The following OR52H1 variants were observed in gnomAD, a reference collection of about 807,000 sequenced individuals.
OR52H1 encodes the protein olfactory receptor family 52 subfamily H member 1.
For synonymous variants in OR52H1, 148 were observed against 138.6 expected (o/e 1.07, Z -0.48); for missense variants, 383 against 396.4 (o/e 0.97, Z 0.29).
At chr11:5,546,997 C>G (rs780852531) in intron 1 of OR52H1, among the ~76,000 whole-genome samples, 65 of 152,188 alleles carry the variant, frequency 4.3e-4, no homozygotes, top group Non-Finnish European at 6.9e-4. Flanking sequence ...ACTCTGTCAC[C>G]CAGGCTGGAG....
In OR52H1 at chr11:5,545,533, C is replaced by T. The variant is rs367883022; in HGVS notation, c.-28G>A. The T allele has an allele frequency of 3.1e-6, 5 of 1,604,522 alleles. No homozygotes were observed. The highest frequency in any genetic ancestry group is 8.5e-7 in the Non-Finnish European group (1 of 1,173,736). On this transcript the variant is annotated splice_region_variant and 5_prime_UTR_variant, in exon 2 of 2. Coordinates refer to ENST00000322653, the MANE Select transcript of OR52H1 (RefSeq NM_001005289.5). ...CAGAGGCAGATGGCATAAATCTCAG[C>T]CCCTAAAGACAGAGGGTGATTAAGG...
Position 5,545,416 on chromosome 11 carries a change from T to G in OR52H1, c.90A>C (p.Gly30=). The G allele has an allele frequency of 6.2e-7, 1 of 1,614,136 alleles. No individual in the cohort carries two copies. The highest frequency in any genetic ancestry group is 8.5e-7 in the Non-Finnish European group (1 of 1,180,022). The change falls in exon 2 of 2, where the codon GGA becomes GGC. Residue 30 remains glycine (G), a synonymous_variant. Transcript: ENST00000322653. Reference sequence around the variant, plus strand: ...CAATGTAGATGATACAGAAGGGAATTCCAATCCACACATGGAATTGCTCCA... The same window carrying G: ...CAATGTAGATGATACAGAAGGGAATGCCAATCCACACATGGAATTGCTCCA... ...PGLEQFHVWI[G]IPFCIIYIVA... is the part of the protein sequence containing the mutation.
In OR52H1 at chr11:5,545,492, T is replaced by A. The variant is rs775412326; in HGVS notation, c.14A>T (p.Asn5Ile). ...GGGTCCTGGATTGTAACTGCTCAGG[T>A]TGAAAATGATCATGGCAGAGGCAGA... MIIF[N>I]LSSYNPGPFI... is the part of the protein sequence containing the mutation. The change falls in exon 2 of 2, where the codon AAC (asparagine) becomes ATC (isoleucine). Residue 5 changes from asparagine to isoleucine, a missense_variant. Coordinates refer to ENST00000322653, the MANE Select transcript of OR52H1 (RefSeq NM_001005289.5). 3 of 1,613,996 alleles carry A rather than the reference T, an allele frequency of 1.9e-6. No homozygotes were observed. The highest frequency in any genetic ancestry group is 1.7e-5 in the Admixed American group (1 of 60,026).
intron 1 of OR52H1, 59 bp from the exon 2 acceptor site, chr11:5,545,594 AATTAT>A: frequency 7.0e-7 from 1 of 1,431,822 alleles, no homozygotes; most frequent in Non-Finnish European, 9.5e-7. Context: ...ACTTTCAACT[AATTAT>A]AATTATTGCC....
intron 1 of OR52H1, among the ~76,000 whole-genome samples, chr11:5,548,008 T>C (rs563724675): frequency 2.6e-5 from 4 of 152,358 alleles, no homozygotes; most frequent in African/African-American, 7.2e-5. Context: ...TACTTCTTTA[T>C]ATTAGGTTAT....
chr11:5,544,667 TTGGCAAACATGA>T lies in OR52H1; in HGVS notation c.827_838del (p.Ile276_Ala279del), dbSNP rs763972480. ...TGCAGGTGGGATAACAATGTAGAGATTGGCAAACATGATGTGGAAGGTGCGAGAGACATTGTG... is the reference window on the plus strand; with the variant it reads ...TGCAGGTGGGATAACAATGTAGAGATTGTGGAAGGTGCGAGAGACATTGTG... On this transcript the variant is annotated inframe_deletion, in exon 2 of 2. Transcript: ENST00000322653. The T allele has an allele frequency of 8.9e-5, 144 of 1,614,134 alleles. No individual in the cohort carries two copies. In the African/African-American group the frequency reaches 1.9e-3, roughly 21 times the overall value.
chr11:5,545,281 C>A lies in OR52H1; in HGVS notation c.225G>T (p.Leu75Phe), dbSNP rs186612514. The change falls in exon 2 of 2, where the codon TTG (leucine) becomes TTT (phenylalanine). Residue 75 changes from leucine (L) to phenylalanine (F), a missense_variant. Coordinates refer to ENST00000322653, the MANE Select transcript of OR52H1 (RefSeq NM_001005289.5). ...GTGCTTTAGGCACACCAGCTGTGGA[C>A]AAGATGAGGTCAGTCATGGCCAGCA... The part of the protein sequence containing the change: ...LSMLAMTDLI[L>F]STAGVPKALS... 1.2e-6 allele frequency: 2 copies of A among 1,614,114 alleles called. No individual in the cohort carries two copies. Among genetic ancestry groups the A allele is most frequent in the Non-Finnish European group, 1.7e-6 (2 of 1,180,024 alleles).
intron 1 of OR52H1, among the ~76,000 whole-genome samples, chr11:5,546,168 T>C (rs55877797): frequency 1.6e-5 from 2 of 128,900 alleles, no homozygotes; most frequent in African/African-American, 6.1e-5. Context: ...TGAGGTTCAC[T>C]AGCCTTTCTC....
At position 5,546,074 on chromosome 11, in the gene OR52H1, A is replaced by T. The variant is rs143131081; in HGVS notation, c.-30-539T>A. Among the ~76,000 whole-genome samples, 749 of 152,168 alleles carry T rather than the reference A, an allele frequency of 4.9e-3. 5 individuals are homozygous for T. The highest frequency in any genetic ancestry group is 0.017 in the African/African-American group (699 of 41,526). ...TTATTGCCATCTAAAAACCTAATTC[A>T]GTTCAGCAAACACCAGATGAGTTCC... On this transcript the variant is annotated intron_variant, in intron 1 of 1. Transcript: ENST00000322653.
intron 1 of OR52H1, among the ~76,000 whole-genome samples, chr11:5,546,393 C>T (rs1846857201): frequency 6.6e-6 from 1 of 151,332 alleles, no homozygotes; most frequent in Non-Finnish European, 1.5e-5. Context: ...CATTCTCAGG[C>T]ATATCCAGAC....
intron 1 of OR52H1, among the ~76,000 whole-genome samples, chr11:5,547,857 G>C (rs2133764285): frequency 6.6e-6 from 1 of 152,246 alleles, no homozygotes. Context: ...ATGTTGGCCA[G>C]GCTGGTCTTG....
At chr11:5,546,473 GC>G (rs1182259349) in intron 1 of OR52H1, among the ~76,000 whole-genome samples, 18 of 151,084 alleles carry the variant, frequency 1.2e-4, no homozygotes, top group Non-Finnish European at 2.4e-4. Context: ...ACAATTACAA[GC>G]CCCCTGTCCT....
intron 1 of OR52H1, among the ~76,000 whole-genome samples, chr11:5,547,944 C>T (rs1360134690): frequency 6.6e-6 from 1 of 152,032 alleles, no homozygotes; most frequent in African/African-American, 2.4e-5. Flanking sequence ...CACGCCCAGC[C>T]GAAAAATATT....
At position 5,547,128 on chromosome 11, in the gene OR52H1, G is replaced by A. The variant is rs369261544; in HGVS notation, c.-31+1324C>T. Among the ~76,000 whole-genome samples the A allele has an allele frequency of 3.5e-3, 533 of 151,942 alleles. 4 individuals are homozygous for A. Among genetic ancestry groups the A allele is most frequent in the African/African-American group, 0.012 (516 of 41,456 alleles). On this transcript the variant is annotated intron_variant, in intron 1 of 1. Transcript: ENST00000322653. ...CCGCCACCACCCCCAGCTAATTTTT[G>A]TATTTTCAGTAGAGACGGGCTTTCA...
Position 5,544,906 on chromosome 11 carries a change from AT to A in OR52H1, c.599del (p.Tyr200LeufsTer8). The A allele has an allele frequency of 6.2e-7, 1 of 1,614,048 alleles. No homozygotes were observed. Among genetic ancestry groups the A allele is most frequent in the Non-Finnish European group, 8.5e-7 (1 of 1,179,912 alleles). Reference sequence around the variant, plus strand: ...CCGTCATGATGGGAACACAAAAGCCATACCAGAAGTTGATGGAGATATCAGC... The same window carrying A: ...CCGTCATGATGGGAACACAAAAGCCAACCAGAAGTTGATGGAGATATCAGC... ...ACADISINFW[Y>X]GFCVPIMTVI... is the part of the protein sequence containing the mutation. On this transcript the variant is annotated frameshift_variant, in exon 2 of 2. Coordinates refer to ENST00000322653, the MANE Select transcript of OR52H1 (RefSeq NM_001005289.5). LOFTEE classifies it low-confidence loss of function (END_TRUNC).
In OR52H1 at chr11:5,545,184, A is replaced by G. The variant is rs753545381; in HGVS notation, c.322T>C (p.Tyr108His). The stretch of plus-strand genomic sequence containing the variant: ...ATGGCTGAATCCAGGACAAAGTTAT[A>G]GTGAAGGAAGAACATTTGTGTAAGG... Reference protein sequence around the residue: ...GCLTQMFFLHYNFVLDSAILM... With the variant: ...GCLTQMFFLHHNFVLDSAILM... The change falls in exon 2 of 2, where the codon TAT becomes CAT. Residue 108 changes from tyrosine to histidine, a missense_variant. Tyr to His is a moderately conservative substitution (Grantham distance 83). Coordinates refer to ENST00000322653, the MANE Select transcript of OR52H1 (RefSeq NM_001005289.5). 6.2e-7 allele frequency: 1 copy of G among 1,614,212 alleles called. No homozygotes were observed. The highest frequency in any genetic ancestry group is 8.5e-7 in the Non-Finnish European group (1 of 1,180,038).
chr11:5,547,135 C>A (rs380372), intron 1 of OR52H1, among the ~76,000 whole-genome samples: 4 of 151,534 alleles, frequency 2.6e-5, no homozygotes, highest in African/African-American at 9.7e-5. Flanking sequence ...TTTGTATTTT[C>A]AGTAGAGACG....
chr11:5,546,121 T>G (rs1846852877), intron 1 of OR52H1, among the ~76,000 whole-genome samples: 1 of 150,806 alleles, frequency 6.6e-6, no homozygotes, highest in Admixed American at 6.6e-5. Flanking sequence ...GGATAACATG[T>G]GTAAGTCAGA....
At position 5,544,650 on chromosome 11, in the gene OR52H1, G is replaced by A. The variant is rs1846821174; in HGVS notation, c.856C>T (p.Pro286Ser). ...IMFANLYIVI[P>S]PALNPMVYGV... is the part of the protein sequence containing the mutation. Reference sequence around the variant, plus strand: ...TAAACCATGGGGTTGAGTGCAGGTGGGATAACAATGTAGAGATTGGCAAAC... The same window carrying A: ...TAAACCATGGGGTTGAGTGCAGGTGAGATAACAATGTAGAGATTGGCAAAC... The change falls in exon 2 of 2, where the codon CCA becomes TCA. Residue 286 changes from proline (P) to serine (S), a missense_variant. Physicochemically the swap from Pro to Ser is moderately conservative, Grantham distance 74 (BLOSUM62 -1). Coordinates refer to ENST00000322653, the MANE Select transcript of OR52H1 (RefSeq NM_001005289.5). 1 of 1,614,006 alleles carries A rather than the reference G, an allele frequency of 6.2e-7. No individual in the cohort carries two copies. The highest frequency in any genetic ancestry group is 1.7e-5 in the Admixed American group (1 of 59,986).
Sources: allele counts gnomAD v4.1 joint callset (sites outside exome capture counted in the v4.1 genomes callset), GRCh38; gene constraint gnomAD v4.1.1; transcripts MANE v1.5; gene names NCBI Gene and HGNC (gene_info 2026-07-23, HGNC 2026-07-21).